Variants in EPHA3 observed in about 807,000 individuals in gnomAD.
EPHA3 encodes ephrin type-A receptor 3.
Under a neutral mutation model 107.1 loss-of-function variants are expected in EPHA3, and 42 were observed. The ratio of observed to expected loss-of-function variants is 0.39; its 90% CI spans 0.31 to 0.51. The LOEUF (loss-of-function observed/expected upper bound fraction) is 0.51, where lower values mean the gene tolerates loss of function less well. Ranked by LOEUF, EPHA3 falls within the 20% of genes least tolerant of loss-of-function variation. The pLI is 0.78. For missense variants in EPHA3, 1,183 were observed against 1,211.2 expected (o/e 0.98, Z 0.35); for synonymous variants, 461 against 424.8 (o/e 1.09, Z -1.05).
At chr3:89,285,639 C>A (rs1706064001) in intron 3 of EPHA3, among the ~76,000 whole-genome samples, 1 of 152,150 alleles carries the variant, frequency 6.6e-6, no homozygotes, top group Admixed American at 6.5e-5. Context: ...TGAGCAAAGG[C>A]CCTGGCCGGA....
intron 5 of EPHA3, among the ~76,000 whole-genome samples, chr3:89,352,489 C>A (rs1055976535): frequency 6.0e-5 from 9 of 150,766 alleles, no homozygotes; most frequent in Non-Finnish European, 8.9e-5. Context: ...CCTTTTATTT[C>A]ACAGAATAAA....
At chr3:89,212,701 T>C (rs1704132417) in intron 3 of EPHA3, among the ~76,000 whole-genome samples, 1 of 151,974 alleles carries the variant, frequency 6.6e-6, no homozygotes, top group Admixed American at 6.6e-5. Context: ...TATAGTCAGT[T>C]AATTACATTT....
intron 5 of EPHA3, among the ~76,000 whole-genome samples, chr3:89,347,951 C>T (rs1220671999): frequency 6.6e-6 from 1 of 151,114 alleles, no homozygotes; most frequent in Non-Finnish European, 1.5e-5. Flanking sequence ...AGCCTTGCAT[C>T]CCAGGGATGA....
chr3:89,381,650 C>G (rs961748557), intron 5 of EPHA3, among the ~76,000 whole-genome samples: 1 of 151,242 alleles, frequency 6.6e-6, no homozygotes, highest in South Asian at 2.1e-4. Context: ...GCCTGGGTGA[C>G]GGAGTGAGAC....
chr3:89,363,251 C>G (rs894089001), intron 5 of EPHA3, among the ~76,000 whole-genome samples: 1 of 150,172 alleles, frequency 6.7e-6, no homozygotes. Flanking sequence ...GTGTATTTAT[C>G]TGTCTATTGA....
intron 15 of EPHA3, among the ~76,000 whole-genome samples, chr3:89,471,438 G>A (rs903370731): frequency 3.3e-5 from 5 of 152,040 alleles, no homozygotes; most frequent in East Asian, 1.9e-4. Context: ...GCATGAACTC[G>A]GCTCACCGCA....
At chr3:89,342,933 G>T (rs1343122937) in intron 5 of EPHA3, among the ~76,000 whole-genome samples, 1 of 151,130 alleles carries the variant, frequency 6.6e-6, no homozygotes, top group East Asian at 1.9e-4. Flanking sequence ...AGAGAGACAA[G>T]ATGCCACTCT....
intron 5 of EPHA3, among the ~76,000 whole-genome samples, chr3:89,384,289 G>A (rs1406689254): frequency 2.0e-5 from 3 of 152,022 alleles, no homozygotes; most frequent in Non-Finnish European, 4.4e-5. Context: ...ATTGGTTGGG[G>A]ACTCGGGCTA....
chr3:89,252,132 A>G (rs1270824688), intron 3 of EPHA3, among the ~76,000 whole-genome samples: 1 of 152,178 alleles, frequency 6.6e-6, no homozygotes, highest in Non-Finnish European at 1.5e-5. Flanking sequence ...GAAATATGAA[A>G]TATTTTCAGA....
intron 2 of EPHA3, among the ~76,000 whole-genome samples, chr3:89,136,667 A>G (rs1704322963): frequency 6.6e-6 from 1 of 151,624 alleles, no homozygotes; most frequent in Non-Finnish European, 1.5e-5. Flanking sequence ...AATAAAGGAG[A>G]CTTGAAACAT....
At chr3:89,289,964 C>G (rs530873470) in intron 3 of EPHA3, among the ~76,000 whole-genome samples, 2 of 152,122 alleles carry the variant, frequency 1.3e-5, no homozygotes, top group Admixed American at 6.6e-5. Context: ...AAAGCACAGC[C>G]TCAGAGGTAC....
At position 89,472,610 on chromosome 3, in the gene EPHA3, T is replaced by G. The variant is rs752176493; in HGVS notation, c.2837T>G (p.Ile946Ser). The part of the protein sequence containing the change: ...EYSSCDTIAK[I>S]STDDMKKVGV... Reference sequence around the variant, plus strand: ...AGTTCTTGTGACACAATAGCCAAGATTTCCACAGAGTAAGAAAAAAAAATT... The same window carrying G: ...AGTTCTTGTGACACAATAGCCAAGAGTTCCACAGAGTAAGAAAAAAAAATT... Residue 946 changes from isoleucine to serine, a missense_variant, in exon 16 of 17, where the codon ATT becomes AGT. By Grantham distance (142) the Ile-to-Ser change is moderately radical (BLOSUM62 -2). Coordinates refer to ENST00000336596, the MANE Select transcript of EPHA3 (RefSeq NM_005233.6). 21 of 1,608,766 alleles carry G rather than the reference T, an allele frequency of 1.3e-5. No homozygotes were observed. In the Admixed American group the frequency reaches 1.4e-4, roughly 10 times the overall value.
intron 3 of EPHA3, among the ~76,000 whole-genome samples, chr3:89,229,674 G>C (rs954439734): frequency 2.0e-5 from 3 of 151,664 alleles, no homozygotes; most frequent in African/African-American, 7.3e-5. Flanking sequence ...TTCAATATTT[G>C]ATTACTGCAA....
At chr3:89,359,273 G>A (rs1178752061) in intron 5 of EPHA3, among the ~76,000 whole-genome samples, 1 of 150,836 alleles carries the variant, frequency 6.6e-6, no homozygotes, top group African/African-American at 2.4e-5. Context: ...ATAATAGTAA[G>A]TCAGGTTTTA....
intron 2 of EPHA3, among the ~76,000 whole-genome samples, chr3:89,132,065 G>A (rs1295264055): frequency 3.3e-5 from 5 of 152,312 alleles, no homozygotes; most frequent in Admixed American, 2.6e-4. Context: ...AATGAGACTG[G>A]TGCAGAATTC....
chr3:89,418,477 T>C (rs1313017858), intron 10 of EPHA3, among the ~76,000 whole-genome samples: 1 of 151,474 alleles, frequency 6.6e-6, no homozygotes, highest in Admixed American at 6.6e-5. Flanking sequence ...CAGTTTTATA[T>C]CAACTGGACT....
intron 16 of EPHA3, among the ~76,000 whole-genome samples, chr3:89,474,785 G>A (rs1024806149): frequency 5.3e-5 from 8 of 152,172 alleles, no homozygotes; most frequent in Admixed American, 4.6e-4. Flanking sequence ...TTCCAAGTTA[G>A]CGACATTACT....
chr3:89,216,046 G>A (rs1021041629), intron 3 of EPHA3, among the ~76,000 whole-genome samples: 2 of 151,792 alleles, frequency 1.3e-5, no homozygotes, highest in Non-Finnish European at 2.9e-5. Flanking sequence ...TGCTTTGACT[G>A]GTCTAGTGTT....
intron 3 of EPHA3, among the ~76,000 whole-genome samples, chr3:89,236,336 G>A (rs1704760392): frequency 6.6e-6 from 1 of 151,752 alleles, no homozygotes; most frequent in Non-Finnish European, 1.5e-5. Context: ...TAAAAAGAGA[G>A]TAAATGAATA....
Sources: allele counts gnomAD v4.1 joint callset (sites outside exome capture counted in the v4.1 genomes callset), GRCh38; gene constraint gnomAD v4.1.1; transcripts MANE v1.5; gene names NCBI Gene and HGNC (gene_info 2026-07-23, HGNC 2026-07-21).